Variants in GPR137C observed in about 807,000 individuals in gnomAD.
GPR137C encodes G protein-coupled receptor 137C.
In GPR137C, 27 loss-of-function variants were observed where a neutral mutation model predicts 43.4. The ratio of observed to expected loss-of-function variants is 0.62; its 90% CI spans 0.46 to 0.86. The LOEUF (loss-of-function observed/expected upper bound fraction) is 0.86, where lower values mean the gene tolerates loss of function less well. GPR137C is among the 40% of genes least tolerant of loss of function. The pLI, the probability that GPR137C is intolerant of heterozygous loss-of-function variation, is 0.00. For missense variants in GPR137C, 522 were observed against 534.6 expected (o/e 0.98, Z 0.23); for synonymous variants, 285 against 226.9 (o/e 1.26, Z -2.30).
At chr14:52,625,968 C>T (rs1224097355) in intron 3 of GPR137C, among the ~76,000 whole-genome samples, 1 of 152,080 alleles carries the variant, frequency 6.6e-6, no homozygotes, top group Non-Finnish European at 1.5e-5. Context: ...GTGGATTCAA[C>T]TAACCTTGAA....
At chr14:52,616,122 A>G (rs1487997924) in intron 3 of GPR137C, among the ~76,000 whole-genome samples, 1 of 152,162 alleles carries the variant, frequency 6.6e-6, no homozygotes, top group South Asian at 2.1e-4. Context: ...AGCAAAAGTC[A>G]TTATTTAACA....
chr14:52,553,079 C>A lies in GPR137C; in HGVS notation c.-69C>A, dbSNP rs909870024. The A allele has an allele frequency of 7.0e-6, 6 of 852,018 alleles. No individual in the cohort carries two copies. The African/African-American group carries it at 1.1e-4, about 15-fold the overall frequency. 52.8% of individuals were successfully genotyped at this position (852,018 alleles called of 1,614,324 possible). On this transcript the variant is annotated 5_prime_UTR_variant, in exon 1 of 7. Transcript: ENST00000321662. ...GGGGGGTAAGGGGGCAGTCCTTCTC[C>A]CCTTCGACGGCGGCTCCGAGTCCAG...
chr14:52,612,558 G>A, intron 3 of GPR137C: 1 of 974,382 alleles, frequency 1.0e-6, no homozygotes, highest in South Asian at 4.7e-5. Context: ...GTTATGATTT[G>A]CATTACTTTT....
At chr14:52,581,826 T>C (rs985890619) in intron 1 of GPR137C, among the ~76,000 whole-genome samples, 2 of 152,202 alleles carry the variant, frequency 1.3e-5, no homozygotes, top group Non-Finnish European at 2.9e-5. Context: ...TTAGATATGC[T>C]CTCCAGTAAA....
intron 3 of GPR137C, among the ~76,000 whole-genome samples, chr14:52,614,859 A>G (rs2039081267): frequency 1.3e-5 from 2 of 152,124 alleles, no homozygotes; most frequent in South Asian, 4.1e-4. Flanking sequence ...CTGGTTATTA[A>G]TCCCTTGTCA....
At chr14:52,611,315 T>A (rs2039036345) in intron 3 of GPR137C, among the ~76,000 whole-genome samples, 1 of 151,890 alleles carries the variant, frequency 6.6e-6, no homozygotes, top group African/African-American at 2.4e-5. Context: ...TGATTTCTGT[T>A]TATATTAAAA....
At chr14:52,561,195 A>G (rs1010004145) in intron 1 of GPR137C, among the ~76,000 whole-genome samples, 3 of 152,198 alleles carry the variant, frequency 2.0e-5, no homozygotes, top group African/African-American at 7.2e-5. Flanking sequence ...AACCACACCA[A>G]CTATTGGCCA....
intron 1 of GPR137C, among the ~76,000 whole-genome samples, chr14:52,580,188 T>C (rs142186661): frequency 1.6e-4 from 25 of 152,314 alleles, no homozygotes; most frequent in African/African-American, 5.8e-4. Context: ...TGAAAATTCC[T>C]TTACTGTTGT....
chr14:52,568,567 C>A (rs1470825594), intron 1 of GPR137C, among the ~76,000 whole-genome samples: 1 of 152,214 alleles, frequency 6.6e-6, no homozygotes, highest in Non-Finnish European at 1.5e-5. Context: ...GAAATTCTTG[C>A]TACCAGCACA....
intron 1 of GPR137C, among the ~76,000 whole-genome samples, chr14:52,593,457 T>C (rs188244576): frequency 7.2e-5 from 11 of 152,336 alleles, no homozygotes; most frequent in Non-Finnish European, 1.5e-4. Flanking sequence ...ATCCATCTGG[T>C]CCTGGACGTT....
Position 52,560,224 on chromosome 14 carries a change from C to T in GPR137C, c.444+6633C>T, listed in dbSNP as rs550026656. Among the ~76,000 whole-genome samples the T allele has an allele frequency of 3.2e-4, 49 of 152,204 alleles. 3 individuals are homozygous for T. In the South Asian group the frequency reaches 1.0e-2, roughly 31 times the overall value. ...TATTTAGGAATAAATAAAAGATGTGCAAGACCTCTACAAGGAAAACTACAA... is the reference window on the plus strand; with the variant it reads ...TATTTAGGAATAAATAAAAGATGTGTAAGACCTCTACAAGGAAAACTACAA... On this transcript the variant is annotated intron_variant, in intron 1 of 6. Transcript: ENST00000321662.
intron 1 of GPR137C, among the ~76,000 whole-genome samples, chr14:52,560,347 C>T (rs1442355748): frequency 2.0e-5 from 3 of 152,064 alleles, no homozygotes; most frequent in Admixed American, 2.0e-4. Context: ...TTAATTTGAC[C>T]TATAAATTCA....
chr14:52,584,445 T>C (rs1174853267), intron 1 of GPR137C, among the ~76,000 whole-genome samples: 2 of 152,160 alleles, frequency 1.3e-5, no homozygotes, highest in African/African-American at 4.8e-5. Context: ...AGTTGCTGGA[T>C]AGATGTCCTC....
At chr14:52,580,868 TTAG>T (rs1209125639) in intron 1 of GPR137C, among the ~76,000 whole-genome samples, 1 of 147,794 alleles carries the variant, frequency 6.8e-6, no homozygotes, top group African/African-American at 2.5e-5. Flanking sequence ...TATATATTTC[TTAG>T]TAGATAAAAT....
Position 52,635,373 on chromosome 14 carries a change from T to C in GPR137C, c.*258T>C, listed in dbSNP as rs1325915577. 6 of 316,662 alleles carry C rather than the reference T, an allele frequency of 1.9e-5. No individual in the cohort carries two copies. The highest frequency in any genetic ancestry group is 8.3e-4 in the Middle Eastern group (1 of 1,204). 19.6% of individuals were successfully genotyped at this position (316,662 alleles called of 1,614,324 possible). On this transcript the variant is annotated 3_prime_UTR_variant, in exon 7 of 7. Transcript: ENST00000321662. ...TGATGGCCTCCAAAAATCCTGACTT[T>C]GGAACATCAAATGCATATGTGCACT... is the stretch of plus-strand genomic sequence containing the variant.
chr14:52,619,319 T>C (rs1272396742), intron 3 of GPR137C, among the ~76,000 whole-genome samples: 1 of 152,150 alleles, frequency 6.6e-6, no homozygotes, highest in Non-Finnish European at 1.5e-5. Context: ...TAACTAGAAT[T>C]TGGAGAGAGT....
intron 1 of GPR137C, among the ~76,000 whole-genome samples, chr14:52,570,448 A>G (rs956460268): frequency 1.3e-5 from 2 of 152,224 alleles, no homozygotes; most frequent in African/African-American, 4.8e-5. Flanking sequence ...CTAACGGGCA[A>G]AATAACCAGC....
chr14:52,559,904 T>C (rs1006400653), intron 1 of GPR137C, among the ~76,000 whole-genome samples: 4 of 152,212 alleles, frequency 2.6e-5, no homozygotes, highest in Non-Finnish European at 5.9e-5. Flanking sequence ...CTCACGCCTT[T>C]AATCTCAGCG....
At chr14:52,612,279 C>G (rs2139551728) in intron 3 of GPR137C, 2 of 928,412 alleles carry the variant, frequency 2.2e-6, no homozygotes, top group Middle Eastern at 1.1e-3. Flanking sequence ...CCCTGCTTTT[C>G]CCCTTATACT....
Sources: gnomAD v4.1 joint callset for allele counts (sites outside exome capture counted in the v4.1 genomes callset) on GRCh38, gnomAD v4.1.1 for gene constraint, MANE v1.5 for transcripts, NCBI Gene and HGNC (gene_info 2026-07-23, HGNC 2026-07-21) for gene names.